ANKRD24: variants seen among roughly 807,000 people sequenced by gnomAD.
ANKRD24 encodes ankyrin repeat domain-containing protein 24.
A neutral mutation model predicts 127.8 loss-of-function variants in ANKRD24; 109 were observed. That is an observed-to-expected ratio of 0.85 (90% CI 0.73 to 1.00). ANKRD24 has a LOEUF of 1.00. Among genes scored for constraint, ANKRD24 ranks in the 50% least tolerant of loss-of-function variants. ANKRD24 has a pLI of 0.00. For missense variants in ANKRD24, 1,648 were observed against 1,570.2 expected (o/e 1.05, Z -0.84); for synonymous variants, 743 against 671.1 (o/e 1.11, Z -1.66).
Position 4,198,743 on chromosome 19 carries a change from C to G in ANKRD24, c.37-940C>G, listed in dbSNP as rs1445466479. Among the ~76,000 whole-genome samples, 1 of 152,092 alleles carries G rather than the reference C, an allele frequency of 6.6e-6. No individual in the cohort carries two copies. Among genetic ancestry groups the G allele is most frequent in the African/African-American group, 2.4e-5 (1 of 41,422 alleles). ...AGACATGTGGACACGTTTTGGAAGA[C>G]TCTTTGAAACAAATGGGGACATTTA... On this transcript the variant is annotated intron_variant, in intron 2 of 21. Transcript: ENST00000318934. This position sits in a 1 kb window ranked among gnomAD's most constrained non-coding sequence, Gnocchi z 6.1.
In ANKRD24 at chr19:4,216,352, C is replaced by G; in HGVS notation, c.1339C>G (p.Gln447Glu). Residue 447 changes from glutamine (Q) to glutamate (E), a missense_variant, in exon 17 of 22, where the codon CAG becomes GAG. By Grantham distance (29) the Gln-to-Glu change is conservative. Transcript: ENST00000318934. ...AQEHLASLQE[Q>E]VAVLTRQNQE... ...GGAACACCTGGCCTCGCTGCAGGAA[C>G]AGGTGGCTGTGCTCACCAGACAGAA... 6.4e-7 allele frequency: 1 copy of G among 1,574,010 alleles called. No homozygotes were observed. Among genetic ancestry groups the G allele is most frequent in the Non-Finnish European group, 8.6e-7 (1 of 1,160,002 alleles).
At chr19:4,216,111 G>C (rs1251892670) in intron 16 of ANKRD24, 61 bp downstream of exon 16, 1 of 1,512,172 alleles carries the variant, frequency 6.6e-7, no homozygotes, top group African/African-American at 1.4e-5. Flanking sequence ...CTGGAAGACG[G>C]AGCCTCTGGG....
At position 4,217,209 on chromosome 19, in the gene ANKRD24, A is replaced by T. The variant is rs760266879; in HGVS notation, c.2049A>T (p.Glu683Asp). 1 of 1,607,522 alleles carries T rather than the reference A, an allele frequency of 6.2e-7. No individual in the cohort carries two copies. Among genetic ancestry groups the T allele is most frequent in the Non-Finnish European group, 8.5e-7 (1 of 1,176,516 alleles). The change falls in exon 18 of 22, where the codon GAA becomes GAT. Residue 683 changes from glutamate to aspartate, a missense_variant. Glu to Asp is a conservative substitution (Grantham distance 45). Coordinates refer to ENST00000318934, the MANE Select transcript of ANKRD24 (RefSeq NM_001393985.1). ...CGGGCTCTAGGGCCACAGGGATGGA[A>T]TCCACAGGAGTCAGTGCCACAGGTG... ...EATGSRATGMESTGVSATGVE... is the reference protein window; with the variant it reads ...EATGSRATGMDSTGVSATGVE...
chr19:4,211,178 G>C (rs1469287845), intron 13 of ANKRD24, among the ~76,000 whole-genome samples: 1 of 152,170 alleles, frequency 6.6e-6, no homozygotes, highest in African/African-American at 2.4e-5. Context: ...GCATGCATCT[G>C]TTTTATGTGT....
intron 11 of ANKRD24, 35 bp from the exon 12 acceptor site, chr19:4,210,023 C>A: frequency 2.9e-6 from 4 of 1,387,540 alleles, no homozygotes; most frequent in Non-Finnish European, 4.0e-6. Flanking sequence ...GCCCCCCGAT[C>A]GGCCCCCTTC....
chr19:4,212,016 C>G (rs140890079), intron 13 of ANKRD24, among the ~76,000 whole-genome samples: 1 of 151,950 alleles, frequency 6.6e-6, no homozygotes, highest in African/African-American at 2.4e-5. Flanking sequence ...CTGGCTAACA[C>G]CGTGAAACCC....
intron 13 of ANKRD24, among the ~76,000 whole-genome samples, chr19:4,210,809 C>CT (rs1363291888): frequency 8.5e-5 from 10 of 117,850 alleles, no homozygotes; most frequent in Non-Finnish European, 1.7e-4. Flanking sequence ...CGCTAGTTCA[C>CT]TTTATTTTTT....
intron 7 of ANKRD24, among the ~76,000 whole-genome samples, chr19:4,206,288 A>G (rs1969382435): frequency 6.6e-6 from 1 of 151,674 alleles, no homozygotes; most frequent in African/African-American, 2.4e-5. Context: ...TGAACCTAGG[A>G]GTTTGAGACC....
intron 1 of ANKRD24, 148 bp from the exon 2 acceptor site, chr19:4,186,242 A>C: frequency 1.4e-6 from 2 of 1,426,586 alleles, no homozygotes; most frequent in Non-Finnish European, 9.2e-7. Context: ...CACAGCAGGT[A>C]GGAGATAGAG....
rs1324599633 is a variant in ANKRD24, at chr19:4,195,321, G to A, written c.37-4362G>A. Among the ~76,000 whole-genome samples the A allele has an allele frequency of 4.6e-5, 7 of 151,792 alleles. No homozygotes were observed. In the South Asian group the frequency reaches 1.3e-3, roughly 27 times the overall value. ...ACTCCCCATCTCAGGTGATCTGCCT[G>A]CCTCAGCCTCCCAAAGTGCTGGGAT... is the stretch of plus-strand genomic sequence containing the variant. On this transcript the variant is annotated intron_variant, in intron 2 of 21. Transcript: ENST00000318934. The surrounding 1 kb of genome is among the most constrained non-coding windows in gnomAD (Gnocchi z 4.2).
At position 4,212,511 on chromosome 19, in the gene ANKRD24, C is replaced by T. The variant is rs1233532906; in HGVS notation, c.1096C>T (p.Gln366Ter). 6.4e-7 allele frequency: 1 copy of T among 1,561,924 alleles called. No individual in the cohort carries two copies. The highest frequency in any genetic ancestry group is 1.2e-5 in the South Asian group (1 of 84,486). Residue 366 changes from glutamine to a stop codon, truncating the protein, a stop_gained and splice_region_variant, in exon 14 of 22, where the codon CAG becomes TAG. Transcript: ENST00000318934. LOFTEE classifies it high-confidence loss of function. ...EASSLHILER[Q>*]VQELQQLLVE... is the part of the protein sequence containing the mutation. ...CAGCTCCCTGCACATCCTGGAGAGA[C>T]AGGTAGGTGGGAAGGTGGGGAGGAG...
rs529302345 is a variant in ANKRD24 at position 4,205,435 on chromosome 19, G to A, written c.467-1807G>A. ...AATCAGACTGGATGTCAACCTGCTG[G>A]AATTCATACCCAGGGATTCCAGAGA... is the stretch of plus-strand genomic sequence containing the variant. On this transcript the variant is annotated intron_variant, in intron 7 of 21. Coordinates refer to ENST00000318934, the MANE Select transcript of ANKRD24 (RefSeq NM_001393985.1). Among the ~76,000 whole-genome samples the A allele has an allele frequency of 1.2e-4, 19 of 152,314 alleles. No individual in the cohort carries two copies. In the South Asian group the frequency reaches 1.9e-3, roughly 15 times the overall value.
At chr19:4,224,092 C>T in intron 20 of ANKRD24, 35 bp from the exon 21 acceptor site, 5 of 1,599,648 alleles carry the variant, frequency 3.1e-6, no homozygotes, top group South Asian at 1.1e-5. Flanking sequence ...GGAGGTGCTC[C>T]TGCTCTTCTG....
intron 7 of ANKRD24, among the ~76,000 whole-genome samples, chr19:4,205,486 C>T (rs1216248081): frequency 1.3e-5 from 2 of 152,186 alleles, no homozygotes; most frequent in African/African-American, 4.8e-5. Context: ...AGCTGCACAG[C>T]CTCCTGGGGA....
chr19:4,215,743 C>T (rs1157559725), intron 15 of ANKRD24, among the ~76,000 whole-genome samples: 1 of 150,352 alleles, frequency 6.7e-6, no homozygotes, highest in Non-Finnish European at 1.5e-5. Context: ...CCACTGCACT[C>T]CAGCCTGGGT....
chr19:4,220,790 C>G (rs996703498), intron 19 of ANKRD24, among the ~76,000 whole-genome samples: 1 of 151,892 alleles, frequency 6.6e-6, no homozygotes, highest in Non-Finnish European at 1.5e-5. Context: ...CTCCTGACCT[C>G]GTGATCCGCC....
chr19:4,182,692 G>A lies in ANKRD24; in HGVS notation c.-85G>A. On this transcript the variant is annotated 5_prime_UTR_variant, in exon 1 of 22. Coordinates refer to ENST00000318934, the MANE Select transcript of ANKRD24 (RefSeq NM_001393985.1). ...GCATGCGCCTCTTGCTGACGCCGCA[G>A]GCGACATGTTATCTGCTGTCAGAAG... The A allele has an allele frequency of 7.1e-7, 1 of 1,415,696 alleles. No individual in the cohort carries two copies. The highest frequency in any genetic ancestry group is 9.2e-7 in the Non-Finnish European group (1 of 1,083,456). The allele number at this position is 1,415,696 out of a possible 1,614,324, so 87.7% of individuals were successfully genotyped here.
chr19:4,194,568 C>T (rs1968590613), intron 2 of ANKRD24, among the ~76,000 whole-genome samples: 1 of 152,186 alleles, frequency 6.6e-6, no homozygotes, highest in Non-Finnish European at 1.5e-5. Flanking sequence ...CGGAAACAGG[C>T]AGTGGGCAGG....
At chr19:4,193,863 G>A (rs1968540615) in intron 2 of ANKRD24, among the ~76,000 whole-genome samples, 2 of 139,184 alleles carry the variant, frequency 1.4e-5, no homozygotes, top group African/African-American at 5.5e-5. Flanking sequence ...AAGGAAGGAA[G>A]GAAGGAAGGA....
Sources: allele counts gnomAD v4.1 joint callset (sites outside exome capture counted in the v4.1 genomes callset), GRCh38; gene constraint gnomAD v4.1.1; non-coding constraint Gnocchi (gnomAD v3.1); transcripts MANE v1.5; gene names NCBI Gene and HGNC (gene_info 2026-07-23, HGNC 2026-07-21).